The following GNAQ variants were observed in gnomAD, a reference collection of about 807,000 sequenced individuals.
GNAQ encodes guanine nucleotide-binding protein G(q) subunit alpha.
In GNAQ, 8 loss-of-function variants were observed where a neutral mutation model predicts 43.9. The ratio of observed to expected loss-of-function variants is 0.18; its 90% confidence interval spans 0.11 to 0.33. The LOEUF is 0.33. GNAQ is among the 10% of genes least tolerant of loss of function. The pLI is 1.00. For missense variants in GNAQ, 158 were observed against 450.8 expected (o/e 0.35, Z 5.88); for synonymous variants, 155 against 170.7 (o/e 0.91, Z 0.71).
chr9:77,830,205 G>A (rs1389573201), intron 2 of GNAQ, among the ~76,000 whole-genome samples: 2 of 152,094 alleles, frequency 1.3e-5, no homozygotes, highest in Non-Finnish European at 1.5e-5. Flanking sequence ...CTTCTATCTT[G>A]GTCTCTCAAA....
intron 5 of GNAQ, among the ~76,000 whole-genome samples, chr9:77,734,433 T>A (rs1017314411): frequency 3.3e-5 from 5 of 152,126 alleles, no homozygotes; most frequent in Admixed American, 1.3e-4. Context: ...CTAAAATACA[T>A]CCTTAAATGC....
At chr9:77,748,645 G>A (rs1825766639) in intron 5 of GNAQ, among the ~76,000 whole-genome samples, 1 of 152,172 alleles carries the variant, frequency 6.6e-6, no homozygotes, top group African/African-American at 2.4e-5. Flanking sequence ...CTGGCTAAAG[G>A]AAAAGTTATT....
chr9:77,879,398 G>A (rs1411488284), intron 2 of GNAQ, among the ~76,000 whole-genome samples: 2 of 151,998 alleles, frequency 1.3e-5, no homozygotes, highest in African/African-American at 2.4e-5. Flanking sequence ...AGTGTAGCTG[G>A]GATTAGAGGC....
At chr9:77,888,220 T>A (rs1828342730) in intron 2 of GNAQ, among the ~76,000 whole-genome samples, 1 of 152,168 alleles carries the variant, frequency 6.6e-6, no homozygotes, top group African/African-American at 2.4e-5. Flanking sequence ...AAAATAAATA[T>A]AAATAAAAGC....
chr9:77,998,916 G>A (rs1361788925), intron 1 of GNAQ, among the ~76,000 whole-genome samples: 4 of 151,508 alleles, frequency 2.6e-5, no homozygotes, highest in South Asian at 4.2e-4. Context: ...GTGAAACCCC[G>A]TCTCTACTAA....
At position 78,031,569 on chromosome 9, in the gene GNAQ, C is replaced by G. The variant is rs1824062142; in HGVS notation, c.-334G>C. 1 of 151,442 alleles carries G rather than the reference C, an allele frequency of 6.6e-6. No individual in the cohort carries two copies. The highest frequency in any genetic ancestry group is 1.5e-5 in the Non-Finnish European group (1 of 68,664). The allele number at this position is 151,442 out of a possible 1,614,324, so 9.4% of individuals were successfully genotyped here. A position where few individuals can be genotyped will look rare whatever the true frequency, so the allele number is the denominator to read the frequency against. ...CCGCGCCTCCTTCCCCGGGAACAGG[C>G]GGCCCGCCTCGCCCCCCGAGCCGCC... On this transcript the variant is annotated 5_prime_UTR_variant, in exon 1 of 7. Coordinates refer to ENST00000286548, the MANE Select transcript of GNAQ (RefSeq NM_002072.5).
chr9:77,866,556 C>T (rs550939028), intron 2 of GNAQ, among the ~76,000 whole-genome samples: 2 of 152,238 alleles, frequency 1.3e-5, no homozygotes, highest in South Asian at 2.1e-4. Context: ...AGTAAATTAC[C>T]AAATTATCAG....
chr9:78,031,294 A>C lies in GNAQ; in HGVS notation c.-59T>G, dbSNP rs2118632932. The stretch of plus-strand genomic sequence containing the variant: ...CACCCCCTGCTCACAGCGCGCACAC[A>C]CACCCTCCCGCCCTCGCTCCCCCGA... On this transcript the variant is annotated 5_prime_UTR_variant, in exon 1 of 7. Transcript: ENST00000286548. 7.6e-7 allele frequency: 1 copy of C among 1,323,952 alleles called. No homozygotes were observed. The highest frequency in any genetic ancestry group is 9.9e-7 in the Non-Finnish European group (1 of 1,012,382). The allele number at this position is 1,323,952 out of a possible 1,614,324, so 82.0% of individuals were successfully genotyped here. A position where few individuals can be genotyped will look rare whatever the true frequency, so the allele number is the denominator to read the frequency against.
chr9:77,895,004 A>G (rs1828475703), intron 2 of GNAQ, among the ~76,000 whole-genome samples: 1 of 151,348 alleles, frequency 6.6e-6, no homozygotes, highest in Admixed American at 6.6e-5. Context: ...CTTGGCTAAC[A>G]TGGTGAAACC....
At chr9:77,835,430 A>T (rs940068575) in intron 2 of GNAQ, among the ~76,000 whole-genome samples, 1 of 152,118 alleles carries the variant, frequency 6.6e-6, no homozygotes, top group Non-Finnish European at 1.5e-5. Flanking sequence ...GAGGAAAGGA[A>T]ATCTAATACT....
chr9:77,722,162 A>T, intron 6 of GNAQ, among the ~76,000 whole-genome samples: 1 of 149,518 alleles, frequency 6.7e-6, no homozygotes, highest in Non-Finnish European at 1.5e-5. Context: ...TTTGAGATGG[A>T]GTCTCATTCT....
At chr9:77,731,929 G>A (rs1825497161) in intron 5 of GNAQ, among the ~76,000 whole-genome samples, 1 of 152,086 alleles carries the variant, frequency 6.6e-6, no homozygotes, top group African/African-American at 2.4e-5. Flanking sequence ...GCTATATGAT[G>A]TTTTCCATAG....
rs182794483 is a variant in GNAQ, at chr9:77,726,902, A to G, written c.889+1612T>C. 2.7e-3 allele frequency among the ~76,000 whole-genome samples: 418 copies of G among 152,292 alleles called. 4 individuals are homozygous for G. Among genetic ancestry groups the G allele is most frequent in the African/African-American group, 8.7e-3 (360 of 41,562 alleles). On this transcript the variant is annotated intron_variant, in intron 6 of 6. Transcript: ENST00000286548. Reference sequence around the variant, plus strand: ...AAACTTTCTCTGTAAAGGGCCACAGAGTAATTGAGGCTTTGCAAACAATTC... The same window carrying G: ...AAACTTTCTCTGTAAAGGGCCACAGGGTAATTGAGGCTTTGCAAACAATTC...
intron 1 of GNAQ, among the ~76,000 whole-genome samples, chr9:77,991,639 T>G (rs113302607): frequency 0.016 from 2,388 of 152,086 alleles, 64 homozygotes; most frequent in African/African-American, 0.053. Flanking sequence ...TCTTTAGAGG[T>G]GATTTCTGAG....
chr9:77,839,295 C>T (rs1431208371), intron 2 of GNAQ, among the ~76,000 whole-genome samples: 1 of 152,158 alleles, frequency 6.6e-6, no homozygotes, highest in Non-Finnish European at 1.5e-5. Context: ...TCAAAAACTA[C>T]TTTATTTCAG....
chr9:77,861,638 G>T (rs1192115232), intron 2 of GNAQ, among the ~76,000 whole-genome samples: 1 of 152,130 alleles, frequency 6.6e-6, no homozygotes, highest in Non-Finnish European at 1.5e-5. Flanking sequence ...AAATCCAGTA[G>T]GGCAGTCAAA....
At chr9:77,815,823 T>G in intron 2 of GNAQ, 53 bp from the exon 3 acceptor site, 1 of 1,298,494 alleles carries the variant, frequency 7.7e-7, no homozygotes. Context: ...CCAAATTTTC[T>G]TTGCTTTGCA....
In GNAQ at chr9:77,717,156, G is replaced by C. The variant is rs1322072966; in HGVS notation, c.*4167C>G. The stretch of plus-strand genomic sequence containing the variant: ...CATATGCTGGAAATATGTAGAGATA[G>C]ATAAACATACAATATTACTAGTTTT... On this transcript the variant is annotated 3_prime_UTR_variant, in exon 7 of 7. Transcript: ENST00000286548. 5 of 232,168 alleles carry C rather than the reference G, an allele frequency of 2.2e-5. No individual in the cohort carries two copies. Among genetic ancestry groups the C allele is most frequent in the Non-Finnish European group, 4.3e-5 (5 of 117,518 alleles). 14.4% of individuals were successfully genotyped at this position (232,168 alleles called of 1,614,324 possible).
rs527935799 is a variant in GNAQ at position 78,012,025 on chromosome 9, T to C, written c.136+19075A>G. 1.2e-4 allele frequency among the ~76,000 whole-genome samples: 18 copies of C among 152,348 alleles called. No individual in the cohort carries two copies. The South Asian group carries it at 3.7e-3, about 32-fold the overall frequency. The stretch of plus-strand genomic sequence containing the variant: ...ACCTGGATACGTTGTTAAGCTTTCA[T>C]GTTATAGAAACAAATAACCAAATTT... On this transcript the variant is annotated intron_variant, in intron 1 of 6. Transcript: ENST00000286548.
Sources: gnomAD v4.1 joint callset for allele counts (sites outside exome capture counted in the v4.1 genomes callset) on GRCh38, gnomAD v4.1.1 for gene constraint, MANE v1.5 for transcripts, NCBI Gene and HGNC (gene_info 2026-07-23, HGNC 2026-07-21) for gene names.